The following DOK6 variants were observed in gnomAD, a reference collection of about 807,000 sequenced individuals.
The protein encoded by DOK6 is downstream of tyrosine kinase 6.
DOK6 carries 22 observed loss-of-function variants against 44.0 expected under a neutral mutation model. The observed-to-expected ratio is 0.50, with a 90% CI of 0.36 to 0.71. DOK6 has a LOEUF of 0.71. Ranked by LOEUF, DOK6 falls within the 30% of genes least tolerant of loss-of-function variation. DOK6 has a pLI of 0.00. For synonymous variants in DOK6, 166 were observed against 145.5 expected (o/e 1.14, Z -1.01); for missense variants, 340 against 416.4 (o/e 0.82, Z 1.60).
At chr18:69,449,035 G>A (rs930445623) in intron 1 of DOK6, among the ~76,000 whole-genome samples, 1 of 152,162 alleles carries the variant, frequency 6.6e-6, no homozygotes, top group African/African-American at 2.4e-5. Context: ...GGTATAACCA[G>A]GACTGTATTA....
chr18:69,732,473 G>T (rs756066883), intron 5 of DOK6, among the ~76,000 whole-genome samples: 73 of 151,820 alleles, frequency 4.8e-4, no homozygotes, highest in Admixed American at 3.0e-3. Context: ...AATTTTTGAG[G>T]CATAAAGATA....
At chr18:69,564,737 T>G in intron 2 of DOK6, 143 bp downstream of exon 2, 1 of 652,668 alleles carries the variant, frequency 1.5e-6, no homozygotes, top group Non-Finnish European at 2.5e-6. Context: ...GCAGAAGTTA[T>G]TTTTCTCCTT....
In DOK6 at chr18:69,475,514, G is replaced by A. The variant is rs1980234916; in HGVS notation, c.66+74204G>A. Among the ~76,000 whole-genome samples, 3 of 152,272 alleles carry A rather than the reference G, an allele frequency of 2.0e-5. No homozygotes were observed. The Middle Eastern group carries it at 0.01, about 518-fold the overall frequency. ...TTTAACTTTTGCAGAGAGAAATTCA[G>A]CATTTTCTGTGCTGCCAAACATTGC... On this transcript the variant is annotated intron_variant, in intron 1 of 7. Coordinates refer to ENST00000382713, the MANE Select transcript of DOK6 (RefSeq NM_152721.6).
intron 7 of DOK6, among the ~76,000 whole-genome samples, chr18:69,792,846 A>G (rs767009354): frequency 1.8e-4 from 27 of 152,224 alleles, no homozygotes; most frequent in Non-Finnish European, 2.6e-4. Context: ...AATTTGCTAA[A>G]TCGTCCTTCA....
At chr18:69,624,831 C>A (rs1313264369) in intron 3 of DOK6, among the ~76,000 whole-genome samples, 4 of 152,022 alleles carry the variant, frequency 2.6e-5, no homozygotes, top group Non-Finnish European at 5.9e-5. Flanking sequence ...TTTGTATATT[C>A]TTTTACTTTA....
chr18:69,672,418 G>A (rs925231720), intron 3 of DOK6, among the ~76,000 whole-genome samples: 27 of 152,328 alleles, frequency 1.8e-4, no homozygotes, highest in South Asian at 4.1e-4. Flanking sequence ...GAGTGCAATG[G>A]CGCGATCTCA....
chr18:69,556,140 C>G (rs1216360661), intron 1 of DOK6, among the ~76,000 whole-genome samples: 1 of 152,148 alleles, frequency 6.6e-6, no homozygotes, highest in Non-Finnish European at 1.5e-5. Flanking sequence ...CTGCTTAGAG[C>G]TTTTAATGGC....
At chr18:69,760,446 G>A (rs186237949) in intron 7 of DOK6, among the ~76,000 whole-genome samples, 54 of 152,102 alleles carry the variant, frequency 3.6e-4, no homozygotes, top group Middle Eastern at 3.4e-3. Flanking sequence ...AAAAGCTTTA[G>A]AACAGCAAGG....
At chr18:69,627,109 G>A (rs796444537) in intron 3 of DOK6, among the ~76,000 whole-genome samples, 6 of 152,180 alleles carry the variant, frequency 3.9e-5, no homozygotes, top group African/African-American at 9.7e-5. Context: ...GAGTCCTGCC[G>A]AGTCATGGCC....
At chr18:69,800,312 T>G (rs571621884) in intron 7 of DOK6, among the ~76,000 whole-genome samples, 7 of 152,160 alleles carry the variant, frequency 4.6e-5, no homozygotes, top group Non-Finnish European at 8.8e-5. Flanking sequence ...CCCCATTATA[T>G]TTTCAAATTG....
intron 3 of DOK6, among the ~76,000 whole-genome samples, chr18:69,623,691 C>T (rs9961793): frequency 0.73 from 110,386 of 152,122 alleles, 42,050 homozygotes; most frequent in Non-Finnish European, 0.85. Flanking sequence ...TGCTACTGTG[C>T]TTCTCTTACA....
At chr18:69,491,232 C>T (rs143169190) in intron 1 of DOK6, among the ~76,000 whole-genome samples, 3 of 152,144 alleles carry the variant, frequency 2.0e-5, no homozygotes, top group Non-Finnish European at 1.5e-5. Flanking sequence ...CCAATGTTAT[C>T]AGTGCAGAAC....
chr18:69,696,997 C>A (rs1258101640), intron 4 of DOK6, among the ~76,000 whole-genome samples: 1 of 152,178 alleles, frequency 6.6e-6, no homozygotes, highest in Non-Finnish European at 1.5e-5. Context: ...ATATTAGTTT[C>A]ATGGGTCAAT....
At chr18:69,757,021 G>C (rs73970257) in intron 6 of DOK6, among the ~76,000 whole-genome samples, 4,245 of 152,260 alleles carry the variant, frequency 0.028, 192 homozygotes, top group African/African-American at 0.095. Context: ...CTATTTCTTG[G>C]AAGTCCAATG....
chr18:69,710,676 C>T (rs901965744), intron 5 of DOK6, among the ~76,000 whole-genome samples: 1 of 152,120 alleles, frequency 6.6e-6, no homozygotes, highest in East Asian at 1.9e-4. Context: ...AACTTCCAGA[C>T]ACTAGATTTC....
intron 5 of DOK6, among the ~76,000 whole-genome samples, chr18:69,724,219 T>G (rs1405188671): frequency 6.6e-6 from 1 of 152,206 alleles, no homozygotes; most frequent in African/African-American, 2.4e-5. Context: ...ATAGCTCAAG[T>G]ACTTAAAATC....
intron 1 of DOK6, chr18:69,483,712 T>G (rs1207396588): frequency 6.6e-6 from 1 of 152,136 alleles, no homozygotes; most frequent in Non-Finnish European, 1.5e-5. Context: ...CAGATTGTGA[T>G]AGTAAGTTTG....
At chr18:69,537,191 A>G (rs1982148072) in intron 1 of DOK6, among the ~76,000 whole-genome samples, 1 of 152,100 alleles carries the variant, frequency 6.6e-6, no homozygotes, top group African/African-American at 2.4e-5. Context: ...CACAAGGAAT[A>G]TTCCACTTTG....
chr18:69,435,081 AGGAAGGAAGGAAAG>A (rs1568256612), intron 1 of DOK6, among the ~76,000 whole-genome samples: 9 of 149,798 alleles, frequency 6.0e-5, no homozygotes, highest in South Asian at 2.1e-4. Flanking sequence ...GAAGGAAGGA[AGGAAGGAAGGAAAG>A]AAGGAAGAAA....
Sources: gnomAD v4.1 joint callset for allele counts (sites outside exome capture counted in the v4.1 genomes callset) on GRCh38, gnomAD v4.1.1 for gene constraint, MANE v1.5 for transcripts, NCBI Gene and HGNC (gene_info 2026-07-23, HGNC 2026-07-21) for gene names.